The following PHLDB2 variants were observed in gnomAD, a reference collection of about 807,000 sequenced individuals.
PHLDB2 encodes the protein pleckstrin homology like domain family B member 2.
Under a neutral mutation model 123.6 loss-of-function variants are expected in PHLDB2, and 71 were observed. The ratio of observed to expected loss-of-function variants is 0.57; its 90% CI spans 0.47 to 0.70. The LOEUF is 0.70. Ranked by LOEUF, PHLDB2 falls within the 30% of genes least tolerant of loss-of-function variation. PHLDB2 has a pLI of 0.00. For synonymous variants in PHLDB2, 547 were observed against 541.6 expected (o/e 1.01, Z -0.14); for missense variants, 1,446 against 1,519.5 (o/e 0.95, Z 0.80).
intron 17 of PHLDB2, 138 bp from the exon 18 acceptor site, chr3:111,974,285 A>T: frequency 1.3e-6 from 1 of 751,212 alleles, no homozygotes; most frequent in Non-Finnish European, 2.0e-6. Context: ...CAGGTGTGTG[A>T]GTTATAGTAG....
intron 1 of PHLDB2, among the ~76,000 whole-genome samples, chr3:111,739,890 A>AT (rs1387678744): frequency 1.3e-5 from 2 of 152,170 alleles, no homozygotes; most frequent in African/African-American, 4.8e-5. Context: ...CCCTATTAAA[A>AT]TCTGCAGAAA....
chr3:111,733,097 T>C (rs1467009082), intron 1 of PHLDB2, among the ~76,000 whole-genome samples: 2 of 152,220 alleles, frequency 1.3e-5, no homozygotes, highest in Non-Finnish European at 2.9e-5. Context: ...ACAGTGTACA[T>C]ATACTGTAGT....
At chr3:111,956,195 A>G (rs946299347) in intron 12 of PHLDB2, among the ~76,000 whole-genome samples, 5 of 152,232 alleles carry the variant, frequency 3.3e-5, no homozygotes, top group Non-Finnish European at 5.9e-5. Context: ...CCCTGTCTCA[A>G]AAAATAAATT....
intron 2 of PHLDB2, among the ~76,000 whole-genome samples, chr3:111,904,278 A>C (rs1015739751): frequency 2.9e-4 from 6 of 20,636 alleles, no homozygotes; most frequent in African/African-American, 8.5e-4. Flanking sequence ...ACCCTGTCTC[A>C]AAAAAAAAAA....
chr3:111,862,750 C>G (rs1284884277), intron 1 of PHLDB2, among the ~76,000 whole-genome samples: 1 of 152,042 alleles, frequency 6.6e-6, no homozygotes, highest in African/African-American at 2.4e-5. Context: ...CTTAATATAC[C>G]ATAGAGGTCG....
intron 16 of PHLDB2, among the ~76,000 whole-genome samples, chr3:111,971,245 A>G (rs756268480): frequency 3.3e-5 from 5 of 152,180 alleles, no homozygotes; most frequent in African/African-American, 4.8e-5. Context: ...CAAAAATACA[A>G]CTTTAAAGAA....
At chr3:111,861,563 A>G (rs1352333724) in intron 1 of PHLDB2, among the ~76,000 whole-genome samples, 1 of 152,192 alleles carries the variant, frequency 6.6e-6, no homozygotes, top group East Asian at 1.9e-4. Context: ...GTCAATTTGC[A>G]GGCCTCAATC....
chr3:111,732,921 G>A (rs563686276), intron 1 of PHLDB2, among the ~76,000 whole-genome samples: 35 of 152,216 alleles, frequency 2.3e-4, no homozygotes, highest in Middle Eastern at 6.8e-3. Context: ...TGTTGCTCCT[G>A]TACGTATTTC....
Position 111,974,551 on chromosome 3 carries a change from C to G in PHLDB2, c.3750C>G (p.His1250Gln). The change falls in exon 18 of 18, where the codon CAC (histidine) becomes CAG (glutamine). Residue 1250 changes from histidine (H) to glutamine (Q), a missense_variant. Coordinates refer to ENST00000431670, the MANE Select transcript of PHLDB2 (RefSeq NM_001134438.2). ...VIVTGAEGYT[H>Q]FLL ...TTACGGGGGCAGAAGGTTACACTCA[C>G]TTCTTGTTGTAGTGAACTGAGGCAA... The G allele has an allele frequency of 6.2e-7, 1 of 1,611,802 alleles. No homozygotes were observed. The highest frequency in any genetic ancestry group is 8.5e-7 in the Non-Finnish European group (1 of 1,179,020).
chr3:111,764,628 T>C (rs578032539), intron 1 of PHLDB2, among the ~76,000 whole-genome samples: 1 of 152,316 alleles, frequency 6.6e-6, no homozygotes, highest in East Asian at 1.9e-4. Context: ...TTTCAGATTA[T>C]ATGAAATTTG....
chr3:111,791,032 C>G, intron 1 of PHLDB2, among the ~76,000 whole-genome samples: 1 of 152,098 alleles, frequency 6.6e-6, no homozygotes, highest in East Asian at 1.9e-4. Context: ...ATATTATCTT[C>G]CCTAACTTTT....
At chr3:111,750,947 CAAA>C (rs34859598) in intron 1 of PHLDB2, among the ~76,000 whole-genome samples, 7,009 of 117,680 alleles carry the variant, frequency 0.06, 542 homozygotes, top group African/African-American at 0.18. Flanking sequence ...AACTCTGTCT[CAAA>C]AAAAAAAAAA....
intron 1 of PHLDB2, among the ~76,000 whole-genome samples, chr3:111,870,941 T>C (rs2065309596): frequency 2.0e-5 from 3 of 152,214 alleles, no homozygotes; most frequent in Non-Finnish European, 2.9e-5. Context: ...CTCTGCTCCA[T>C]GGCTCTTGCA....
chr3:111,752,242 C>T (rs55889621), intron 1 of PHLDB2, among the ~76,000 whole-genome samples: 1 of 100,706 alleles, frequency 9.9e-6, no homozygotes, highest in African/African-American at 3.5e-5. Context: ...GTGTGTGTGT[C>T]TGTGTCTGTG....
chr3:111,973,427 T>A (rs923273063), intron 16 of PHLDB2, among the ~76,000 whole-genome samples: 2 of 152,182 alleles, frequency 1.3e-5, no homozygotes, highest in Non-Finnish European at 1.5e-5. Context: ...GCTGTTAGAG[T>A]TTACACTTTC....
At chr3:111,942,709 A>G (rs1220434089) in intron 8 of PHLDB2, among the ~76,000 whole-genome samples, 4 of 152,084 alleles carry the variant, frequency 2.6e-5, no homozygotes, top group African/African-American at 9.7e-5. Flanking sequence ...GGCCTTATGG[A>G]GAAAATACGT....
chr3:111,748,360 G>A (rs559551682), intron 1 of PHLDB2, among the ~76,000 whole-genome samples: 11 of 152,198 alleles, frequency 7.2e-5, no homozygotes, highest in East Asian at 5.8e-4. Flanking sequence ...CTGAGCTTCC[G>A]GGGAAGGAAA....
At chr3:111,778,072 A>T (rs2060298697) in intron 1 of PHLDB2, among the ~76,000 whole-genome samples, 1 of 152,066 alleles carries the variant, frequency 6.6e-6, no homozygotes, top group African/African-American at 2.4e-5. Flanking sequence ...GCACTCATAC[A>T]ACCTCTCTGT....
rs113313172 is a variant in PHLDB2 at position 111,896,252 on chromosome 3, T to C, written c.1335+10840T>C. Among the ~76,000 whole-genome samples, 711 of 152,282 alleles carry C rather than the reference T, an allele frequency of 4.7e-3. 4 individuals are homozygous for C. The highest frequency in any genetic ancestry group is 0.016 in the African/African-American group (681 of 41,572). ...ACAGGCGTGAGCCACCATGCCTGGC[T>C]TAGTATATCTAAATTTAAAAGCTAT... On this transcript the variant is annotated intron_variant, in intron 2 of 17. Transcript: ENST00000431670.
Sources: gnomAD v4.1 joint callset for allele counts (sites outside exome capture counted in the v4.1 genomes callset) on GRCh38, gnomAD v4.1.1 for gene constraint, MANE v1.5 for transcripts, NCBI Gene and HGNC (gene_info 2026-07-23, HGNC 2026-07-21) for gene names.